The following VCPKMT variants were observed in gnomAD, a reference collection of about 807,000 sequenced individuals.
VCPKMT encodes the protein valosin containing protein lysine methyltransferase, also known as protein N-lysine methyltransferase METTL21D.
Under a neutral mutation model 28.6 loss-of-function variants are expected in VCPKMT, and 32 were observed. The observed-to-expected ratio is 1.12, with a 90% CI of 0.84 to 1.50. The LOEUF is 1.50. Ranked by LOEUF, VCPKMT falls within the 40% of genes most tolerant of loss-of-function variation. The pLI, the probability that VCPKMT is intolerant of heterozygous loss-of-function variation, is 0.00. For missense variants in VCPKMT, 366 were observed against 285.0 expected (o/e 1.28, Z -2.05); for synonymous variants, 138 against 111.4 (o/e 1.24, Z -1.50).
At chr14:50,103,392 G>A in the VCPKMT span, among the ~76,000 whole-genome samples, 481 of 152,296 alleles carry the variant, frequency 3.2e-3, 2 homozygotes, top group African/African-American at 0.011. Context: ...TATAAACTCT[G>A]AAAATATTGT....
chr14:50,113,753 G>A (rs1056710889), intron 4 of VCPKMT, among the ~76,000 whole-genome samples: 1 of 144,634 alleles, frequency 6.9e-6, no homozygotes, highest in Non-Finnish European at 1.5e-5. Context: ...AAAGTTAGCC[G>A]GGTGTGGTGG....
chr14:50,103,405 T>C, the VCPKMT span, among the ~76,000 whole-genome samples: 2 of 152,250 alleles, frequency 1.3e-5, no homozygotes, highest in Admixed American at 6.5e-5. Context: ...AATATTGTTA[T>C]GCAGATAGAT....
intron 4 of VCPKMT, chr14:50,113,615 A>G (rs1882860108): frequency 6.6e-6 from 1 of 151,874 alleles, no homozygotes; most frequent in Non-Finnish European, 1.5e-5. Flanking sequence ...TTAAAAAACA[A>G]AAAAAAAGAC....
chr14:50,108,922 T>C lies in VCPKMT; in HGVS notation c.*777A>G, dbSNP rs527655637. On this transcript the variant is annotated 3_prime_UTR_variant, in exon 6 of 6. Coordinates refer to ENST00000395860, the MANE Select transcript of VCPKMT (RefSeq NM_024558.3). ...TTAAGCCAGATTTTCCTGGAACATATACATAAAGTGCATGAGCCACGTAAG... is the reference window on the plus strand; with the variant it reads ...TTAAGCCAGATTTTCCTGGAACATACACATAAAGTGCATGAGCCACGTAAG... 33 of 985,464 alleles carry C rather than the reference T, an allele frequency of 3.3e-5. No homozygotes were observed. Among genetic ancestry groups the C allele is most frequent in the Middle Eastern group, 5.2e-4 (1 of 1,914 alleles). The allele number at this position is 985,464 out of a possible 1,614,324, so 61.0% of individuals were successfully genotyped here. A position where few individuals can be genotyped will look rare whatever the true frequency, so the allele number is the denominator to read the frequency against.
chr14:50,112,904 C>T (rs1643332178), intron 4 of VCPKMT, among the ~76,000 whole-genome samples, 185 bp from the exon 5 acceptor site: 1 of 152,144 alleles, frequency 6.6e-6, no homozygotes, highest in Non-Finnish European at 1.5e-5. Context: ...TCTCCTGCCT[C>T]AGCCTCCTGA....
intron 5 of VCPKMT, among the ~76,000 whole-genome samples, chr14:50,110,475 TTA>T (rs1882565079): frequency 1.3e-5 from 2 of 152,148 alleles, no homozygotes; most frequent in Admixed American, 1.3e-4. Context: ...CCCAACATCA[TTA>T]GTCATTAGAG....
chr14:50,111,905 G>T, intron 5 of VCPKMT: 1 of 984,246 alleles, frequency 1.0e-6, no homozygotes, highest in Non-Finnish European at 1.2e-6. Context: ...AAAAAAGGAT[G>T]AAGTACAATT....
chr14:50,106,567 C>T, downstream of VCPKMT: 4 of 985,436 alleles, frequency 4.1e-6, no homozygotes, highest in Non-Finnish European at 4.8e-6. Context: ...ACCCCTCAGC[C>T]TTACAGTTCC....
At chr14:50,115,134 T>C (rs1566809189) in intron 3 of VCPKMT, among the ~76,000 whole-genome samples, 1 of 148,004 alleles carries the variant, frequency 6.8e-6, no homozygotes, top group Admixed American at 6.7e-5. Context: ...CACAACACTA[T>C]ACAAACTGAT....
In VCPKMT at chr14:50,116,341, A is replaced by T; in HGVS notation, c.212T>A (p.Val71Glu). ...CCCGGTGCCCGAACCCAGCTCCAGC[A>T]CCGACCGCCGGCTCAGCGCGTGGGC... Reference protein sequence around the residue: ...DGAHALSRRSVLELGSGTGAV... With the variant: ...DGAHALSRRSELELGSGTGAV... Residue 71 changes from valine (V) to glutamate (E), a missense_variant, in exon 1 of 6, where the codon GTG (valine) becomes GAG (glutamate). Physicochemically the swap from Val to Glu is moderately radical, Grantham distance 121. Transcript: ENST00000395860. 1 of 1,611,654 alleles carries T rather than the reference A, an allele frequency of 6.2e-7. No homozygotes were observed. The highest frequency in any genetic ancestry group is 8.5e-7 in the Non-Finnish European group (1 of 1,178,984).
In VCPKMT at chr14:50,109,386, G is replaced by A; in HGVS notation, c.*313C>T. ...AAGGTCCAGTCAAATCATGTTGGCT[G>A]TTTTTGGCAGATTTCAGCCTCGCCT... On this transcript the variant is annotated 3_prime_UTR_variant, in exon 6 of 6. Coordinates refer to ENST00000395860, the MANE Select transcript of VCPKMT (RefSeq NM_024558.3). 1 of 1,093,260 alleles carries A rather than the reference G, an allele frequency of 9.1e-7. No individual in the cohort carries two copies. Among genetic ancestry groups the A allele is most frequent in the Non-Finnish European group, 1.1e-6 (1 of 901,224 alleles). The allele number at this position is 1,093,260 out of a possible 1,614,324, so 67.7% of individuals were successfully genotyped here.
chr14:50,112,395 G>GAAAAAAAAAAAA (rs59968443), intron 5 of VCPKMT, among the ~76,000 whole-genome samples: 1 of 11,996 alleles, frequency 8.3e-5, no homozygotes, highest in Non-Finnish European at 1.4e-4. Context: ...AAAAATACGA[G>GAAAAAAAAAAAA]AAAAAAAAAA....
Position 50,116,405 on chromosome 14 carries a change from A to C in VCPKMT, c.148T>G (p.Ser50Ala). 2 of 1,613,950 alleles carry C rather than the reference A, an allele frequency of 1.2e-6. No homozygotes were observed. Among genetic ancestry groups the C allele is most frequent in the Non-Finnish European group, 1.7e-6 (2 of 1,179,928 alleles). The change falls in exon 1 of 6, where the codon TCT (serine) becomes GCT (alanine). Residue 50 changes from serine to alanine, a missense_variant. Physicochemically the swap from Ser to Ala is moderately conservative, Grantham distance 99 (BLOSUM62 1). Transcript: ENST00000395860. ...CVVWDAAIVLSKYLETPEFSG... is the reference protein window; with the variant it reads ...CVVWDAAIVLAKYLETPEFSG... ...AACTCGGGCGTTTCCAGGTATTTAGAAAGGACAATGGCAGCGTCCCACACA... is the reference window on the plus strand; with the variant it reads ...AACTCGGGCGTTTCCAGGTATTTAGCAAGGACAATGGCAGCGTCCCACACA...
At chr14:50,113,809 G>GGGGGGGGGGGGGGA (rs1566807810) in intron 4 of VCPKMT, among the ~76,000 whole-genome samples, 1 of 39,782 alleles carries the variant, frequency 2.5e-5, no homozygotes, top group Non-Finnish European at 5.1e-5. Context: ...GGGGGGGGGG[G>GGGGGGGGGGGGGGA]TGACACTGAG....
At chr14:50,112,780 GA>G in intron 4 of VCPKMT, 61 bp from the exon 5 acceptor site, 1 of 1,203,312 alleles carries the variant, frequency 8.3e-7, no homozygotes, top group Non-Finnish European at 1.2e-6. Flanking sequence ...GTGGGTGACA[GA>G]AGTCAGAATG....
chr14:50,113,848 T>TGA (rs1468061224), intron 4 of VCPKMT, among the ~76,000 whole-genome samples: 1 of 116,752 alleles, frequency 8.6e-6, no homozygotes, highest in African/African-American at 3.3e-5. Context: ...CCCAGGAGGT[T>TGA]GAGGATGCAG....
In VCPKMT at chr14:50,109,716, A is replaced by G. The variant is rs1335436137; in HGVS notation, c.676-3T>C. 1.3e-5 allele frequency: 21 copies of G among 1,599,726 alleles called. No individual in the cohort carries two copies. Among genetic ancestry groups the G allele is most frequent in the Middle Eastern group, 1.8e-4 (1 of 5,530 alleles). ...TAAAGGCTTCACGATGGAAATTTCT[A>G]TAACAAAAAAAAAGGAAACTTAAAA... On this transcript the variant is annotated splice_polypyrimidine_tract_variant and splice_region_variant and intron_variant, in intron 5 of 5. Transcript: ENST00000395860.
chr14:50,116,127 T>C lies in VCPKMT; in HGVS notation c.319A>G (p.Asn107Asp). Residue 107 changes from asparagine (N) to aspartate (D), a missense_variant, in exon 2 of 6, where the codon AAT (asparagine) becomes GAT (aspartate). By Grantham distance (23) the Asn-to-Asp change is conservative. Transcript: ENST00000395860. ...ACAAGATGCTTGTTCATATTAATAT[T>C]CATCTTCAGCAAGTCTTGCAATTCC... ...LEELQDLLKM[N>D]INMNKHLVTG... 1 of 1,614,136 alleles carries C rather than the reference T, an allele frequency of 6.2e-7. No individual in the cohort carries two copies. Among genetic ancestry groups the C allele is most frequent in the African/African-American group, 1.3e-5 (1 of 75,046 alleles).
At chr14:50,104,761 A>T (rs1882266632), downstream of VCPKMT, among the ~76,000 whole-genome samples, 1 of 152,116 alleles carries the variant, frequency 6.6e-6, no homozygotes, top group Non-Finnish European at 1.5e-5. Flanking sequence ...TCAGATGTAA[A>T]ATCATGATTA....
Sources: allele counts gnomAD v4.1 joint callset (sites outside exome capture counted in the v4.1 genomes callset), GRCh38; gene constraint gnomAD v4.1.1; transcripts MANE v1.5; gene names NCBI Gene and HGNC (gene_info 2026-07-23, HGNC 2026-07-21).